Variants in NRXN3 observed in about 807,000 individuals in gnomAD.
NRXN3 encodes the protein neurexin III.
A neutral mutation model predicts 137.6 loss-of-function variants in NRXN3; 32 were observed. The ratio of observed to expected loss-of-function variants is 0.23; its 90% CI spans 0.18 to 0.31. The LOEUF is 0.31. Ranked by LOEUF, NRXN3 falls within the 10% of genes least tolerant of loss-of-function variation. The probability of loss-of-function intolerance (pLI) is 1.00; values close to 1 mark genes in which losing one functional copy is unlikely to be tolerated. For synonymous variants in NRXN3, 798 were observed against 784.5 expected (o/e 1.02, Z -0.29); for missense variants, 1,574 against 2,062.5 (o/e 0.76, Z 4.59).
intron 15 of NRXN3, among the ~76,000 whole-genome samples, chr14:79,036,254 C>T (rs1315674061): frequency 6.6e-6 from 1 of 152,016 alleles, no homozygotes; most frequent in Non-Finnish European, 1.5e-5. Flanking sequence ...AAGCACCAAT[C>T]GTCTTCCTCT....
At chr14:79,857,621 A>T (rs1438865236) in intron 20 of NRXN3, among the ~76,000 whole-genome samples, 2 of 152,148 alleles carry the variant, frequency 1.3e-5, no homozygotes, top group Non-Finnish European at 2.9e-5. Context: ...CACTATTATC[A>T]TCTGCAATCT....
chr14:78,214,566 T>C, intron 1 of NRXN3, among the ~76,000 whole-genome samples: 1 of 152,216 alleles, frequency 6.6e-6, no homozygotes, highest in Non-Finnish European at 1.5e-5. Flanking sequence ...TTAGTCATGA[T>C]GTTTTGGTCT....
At chr14:78,947,171 C>A (rs2099367160) in intron 10 of NRXN3, among the ~76,000 whole-genome samples, 2 of 152,254 alleles carry the variant, frequency 1.3e-5, no homozygotes, top group Admixed American at 1.3e-4. Context: ...AGGAGTAAGA[C>A]CATTCTGTGT....
At chr14:79,501,224 T>C (rs2096823423) in intron 16 of NRXN3, among the ~76,000 whole-genome samples, 1 of 152,202 alleles carries the variant, frequency 6.6e-6, no homozygotes, top group East Asian at 1.9e-4. Flanking sequence ...CCTGGGTCTC[T>C]TTCTTTAATT....
intron 4 of NRXN3, among the ~76,000 whole-genome samples, chr14:78,484,287 G>A (rs1048842207): frequency 2.6e-5 from 4 of 152,072 alleles, no homozygotes; most frequent in Non-Finnish European, 1.5e-5. Flanking sequence ...TAGTGGGGAC[G>A]CTTAGGTGTT....
intron 15 of NRXN3, among the ~76,000 whole-genome samples, chr14:79,325,606 G>A (rs890089054): frequency 1.3e-4 from 20 of 152,266 alleles, no homozygotes; most frequent in Admixed American, 5.9e-4. Context: ...CTTGTTTTTA[G>A]AGGCACTCTG....
intron 1 of NRXN3, among the ~76,000 whole-genome samples, chr14:78,234,993 T>TA (rs2065985893): frequency 4.8e-5 from 2 of 41,622 alleles, no homozygotes; most frequent in Non-Finnish European, 8.3e-5. Context: ...CACAAATGCT[T>TA]TTATATATAT....
intron 19 of NRXN3, among the ~76,000 whole-genome samples, chr14:79,700,246 A>G (rs2098749968): frequency 6.6e-6 from 1 of 151,974 alleles, no homozygotes; most frequent in South Asian, 2.1e-4. Flanking sequence ...TAATATGCCT[A>G]TGTGACCCCA....
Position 78,709,419 on chromosome 14 carries a change from T to G in NRXN3, c.1424T>G (p.Phe475Cys), listed in dbSNP as rs200503865. 13 of 1,613,968 alleles carry G rather than the reference T, an allele frequency of 8.1e-6. No homozygotes were observed. Among genetic ancestry groups the G allele is most frequent in the Non-Finnish European group, 1.1e-5 (13 of 1,180,020 alleles). Reference sequence around the variant, plus strand: ...CGTATGGGCTCCATCTCCTTTGACTTCCGCACCACAGAGCCCAATGGCCTG... The same window carrying G: ...CGTATGGGCTCCATCTCCTTTGACTGCCGCACCACAGAGCCCAATGGCCTG... ...TKRMGSISFD[F>C]RTTEPNGLIL... The change falls in exon 7 of 21, where the codon TTC (phenylalanine) becomes TGC (cysteine). Residue 475 changes from phenylalanine (F) to cysteine (C), a missense_variant. Transcript: ENST00000335750.
chr14:79,652,578 A>G (rs568140126), intron 16 of NRXN3, among the ~76,000 whole-genome samples: 102 of 152,220 alleles, frequency 6.7e-4, no homozygotes, highest in African/African-American at 2.4e-3. Context: ...AAATTAGGAG[A>G]TGTGTTCTCT....
intron 12 of NRXN3, 64 bp from the exon 13 acceptor site, chr14:78,967,144 C>T (rs1384878446): frequency 4.2e-6 from 6 of 1,417,546 alleles, no homozygotes; most frequent in Non-Finnish European, 4.8e-6. Flanking sequence ...CAGTTACACA[C>T]ATATAGCCAT....
intron 4 of NRXN3, among the ~76,000 whole-genome samples, chr14:78,421,911 C>T (rs1414173234): frequency 1.3e-5 from 2 of 152,080 alleles, no homozygotes; most frequent in South Asian, 2.1e-4. Context: ...AAAAAAGCAA[C>T]AAGCGCCAGC....
intron 16 of NRXN3, among the ~76,000 whole-genome samples, chr14:79,648,147 A>T (rs535544543): frequency 7.4e-6 from 1 of 135,118 alleles, no homozygotes; most frequent in South Asian, 2.3e-4. Flanking sequence ...CTTATATGGT[A>T]GCAAAAGTAT....
intron 1 of NRXN3, among the ~76,000 whole-genome samples, chr14:78,184,994 T>G (rs2060116869): frequency 6.6e-6 from 1 of 151,834 alleles, no homozygotes; most frequent in South Asian, 2.1e-4. Context: ...GACTGAGGAG[T>G]GAGAGAGAAG....
chr14:78,408,256 G>A (rs2092617316), intron 4 of NRXN3, among the ~76,000 whole-genome samples: 2 of 152,090 alleles, frequency 1.3e-5, no homozygotes, highest in Admixed American at 1.3e-4. Context: ...CCAGCCTCTG[G>A]GAAACCTGAT....
chr14:79,344,927 T>C (rs566029269), intron 15 of NRXN3, among the ~76,000 whole-genome samples: 10 of 152,318 alleles, frequency 6.6e-5, no homozygotes, highest in African/African-American at 2.4e-4. Flanking sequence ...TCATGGACTC[T>C]TTATGTTATA....
rs2086228905 is a variant in NRXN3, at chr14:78,367,977, T to C, written c.757+70117T>C. 3.3e-5 allele frequency among the ~76,000 whole-genome samples: 5 copies of C among 152,256 alleles called. No homozygotes were observed. In the South Asian group the frequency reaches 1.0e-3, roughly 31 times the overall value. ...TGGGGGATGCCTTTAAAAGGCCTGG[T>C]AATTGCTTATTGCTTACAAACAATT... is the stretch of plus-strand genomic sequence containing the variant. On this transcript the variant is annotated intron_variant, in intron 4 of 20. Transcript: ENST00000335750.
intron 17 of NRXN3, among the ~76,000 whole-genome samples, chr14:79,667,733 T>C (rs2098572531): frequency 6.6e-6 from 1 of 152,056 alleles, no homozygotes. Context: ...ATCCAGGCAC[T>C]GACAAATGTT....
chr14:78,914,258 G>T (rs1024625207), intron 10 of NRXN3, among the ~76,000 whole-genome samples: 1 of 152,168 alleles, frequency 6.6e-6, no homozygotes, highest in Non-Finnish European at 1.5e-5. Flanking sequence ...TGTATTCTGG[G>T]CTCCAAATAT....
Sources: gnomAD v4.1 joint callset for allele counts (sites outside exome capture counted in the v4.1 genomes callset) on GRCh38, gnomAD v4.1.1 for gene constraint, MANE v1.5 for transcripts, NCBI Gene and HGNC (gene_info 2026-07-23, HGNC 2026-07-21) for gene names.